SMCO4: variants seen among roughly 807,000 people sequenced by gnomAD.
SMCO4 encodes the protein single-pass membrane protein with coiled-coil domains 4.
A neutral mutation model predicts 3.6 loss-of-function variants in SMCO4; 4 were observed. That is an observed-to-expected ratio of 1.11 (90% CI 0.54 to 2.53). SMCO4 has a LOEUF of 2.53. Among genes scored for constraint, SMCO4 ranks in the 30% most tolerant of loss-of-function variants. SMCO4 has a pLI of 0.02. For missense variants in SMCO4, 70 were observed against 80.8 expected (o/e 0.87, Z 0.51); for synonymous variants, 36 against 35.3 (o/e 1.02, Z -0.07).
chr11:93,553,282 T>C, the SMCO4 span, among the ~76,000 whole-genome samples: 1 of 152,162 alleles, frequency 6.6e-6, no homozygotes, highest in Non-Finnish European at 1.5e-5. Context: ...TGCTGATGAG[T>C]TTATTTTCCC....
At chr11:93,541,705 T>C (rs921097703) in intron 1 of SMCO4, among the ~76,000 whole-genome samples, 3 of 152,230 alleles carry the variant, frequency 2.0e-5, no homozygotes, top group African/African-American at 7.2e-5. Context: ...AGAACAGTAT[T>C]CATGTTGTAA....
In SMCO4 at chr11:93,479,218, T is replaced by G; in HGVS notation, c.-29A>C. On this transcript the variant is annotated 5_prime_UTR_variant, in exon 3 of 3. Transcript: ENST00000298966. Reference sequence around the variant, plus strand: ...TCCTAGAGGATGCTAGGAGGGTGTGTCCAGAGGGATTCCAGGAAGGGCCAC... The same window carrying G: ...TCCTAGAGGATGCTAGGAGGGTGTGGCCAGAGGGATTCCAGGAAGGGCCAC... The G allele has an allele frequency of 6.2e-7, 1 of 1,600,636 alleles. No homozygotes were observed. The highest frequency in any genetic ancestry group is 8.5e-7 in the Non-Finnish European group (1 of 1,171,308).
intron 1 of SMCO4, among the ~76,000 whole-genome samples, chr11:93,513,359 A>C (rs1948976366): frequency 6.6e-6 from 1 of 152,272 alleles, no homozygotes; most frequent in Non-Finnish European, 1.5e-5. Context: ...TCAAACTTAA[A>C]CTACATGTAA....
intron 1 of SMCO4, among the ~76,000 whole-genome samples, chr11:93,503,046 A>G (rs1170620974): frequency 6.6e-6 from 1 of 152,156 alleles, no homozygotes; most frequent in Non-Finnish European, 1.5e-5. Flanking sequence ...TCAAGATTAG[A>G]TCCCACAGAG....
intron 1 of SMCO4, among the ~76,000 whole-genome samples, chr11:93,531,791 A>G (rs1301603260): frequency 6.6e-6 from 1 of 152,236 alleles, no homozygotes; most frequent in Non-Finnish European, 1.5e-5. Context: ...CAAGCTGGGA[A>G]CTGCTTAGGC....
intron 1 of SMCO4, among the ~76,000 whole-genome samples, chr11:93,541,100 A>C (rs1439287773): frequency 5.3e-5 from 8 of 152,178 alleles, no homozygotes; most frequent in Non-Finnish European, 7.3e-5. Context: ...CACACACAAA[A>C]AAAATTCCTC....
chr11:93,546,090 G>A (rs902330657), upstream of SMCO4, among the ~76,000 whole-genome samples: 1 of 152,182 alleles, frequency 6.6e-6, no homozygotes, highest in Non-Finnish European at 1.5e-5. Flanking sequence ...AAGTGTTAGG[G>A]TGGTTTGTTA....
chr11:93,486,595 C>A (rs1027307037), intron 2 of SMCO4, among the ~76,000 whole-genome samples: 3 of 152,150 alleles, frequency 2.0e-5, no homozygotes, highest in Non-Finnish European at 4.4e-5. Flanking sequence ...TCAGTGTGGG[C>A]CAGGCTGCTC....
At chr11:93,546,064 G>T (rs1001690990), upstream of SMCO4, among the ~76,000 whole-genome samples, 1 of 152,202 alleles carries the variant, frequency 6.6e-6, no homozygotes, top group Non-Finnish European at 1.5e-5. Flanking sequence ...TAAAATGGTG[G>T]TTGTTTCAAA....
chr11:93,514,063 C>T (rs1344206935), intron 1 of SMCO4, among the ~76,000 whole-genome samples: 1 of 152,040 alleles, frequency 6.6e-6, no homozygotes, highest in African/African-American at 2.4e-5. Context: ...CTGCATGCTG[C>T]CTGTCGTAGG....
intron 1 of SMCO4, among the ~76,000 whole-genome samples, chr11:93,529,553 C>T (rs932327144): frequency 1.3e-5 from 2 of 152,124 alleles, no homozygotes; most frequent in South Asian, 2.1e-4. Flanking sequence ...AAATCAGGCC[C>T]CCGCACAGCC....
At chr11:93,504,373 G>C (rs1049117238) in intron 1 of SMCO4, among the ~76,000 whole-genome samples, 9 of 152,334 alleles carry the variant, frequency 5.9e-5, no homozygotes, top group African/African-American at 1.9e-4. Flanking sequence ...GAAGTTTCAG[G>C]CTTCTTTGAA....
intron 1 of SMCO4, among the ~76,000 whole-genome samples, chr11:93,508,637 T>C (rs1012672449): frequency 1.3e-5 from 2 of 152,224 alleles, no homozygotes; most frequent in South Asian, 2.1e-4. Flanking sequence ...AGAATCAAGA[T>C]GCATTTCAGG....
chr11:93,553,238 C>A, the SMCO4 span, among the ~76,000 whole-genome samples: 1 of 152,154 alleles, frequency 6.6e-6, no homozygotes, highest in African/African-American at 2.4e-5. Context: ...GGGTGGGTGT[C>A]AGGGTTCAAC....
intron 1 of SMCO4, among the ~76,000 whole-genome samples, chr11:93,537,163 C>G (rs1949233848): frequency 6.6e-6 from 1 of 152,236 alleles, no homozygotes; most frequent in Admixed American, 6.5e-5. Context: ...CAGAGGGAGG[C>G]CTCCACTGTC....
Position 93,543,366 on chromosome 11 carries a change from C to T in SMCO4, c.-244G>A, listed in dbSNP as rs572159502. On this transcript the variant is annotated 5_prime_UTR_variant, in exon 1 of 3. Coordinates refer to ENST00000298966, the MANE Select transcript of SMCO4 (RefSeq NM_020179.3). ...GCTTGCGCTCCCCGCCTCGCCTCTC[C>T]TCTCGGCGCCCGCGCGGGCGACTCT... The T allele has an allele frequency of 1.3e-5, 2 of 152,396 alleles. No homozygotes were observed. Among genetic ancestry groups the T allele is most frequent in the Middle Eastern group, 3.4e-3 (1 of 292 alleles). The allele number at this position is 152,396 out of a possible 1,614,324, so 9.4% of individuals were successfully genotyped here.
In SMCO4 at chr11:93,478,725, A is replaced by G. The variant is rs1948549343; in HGVS notation, c.*285T>C. 9.4e-6 allele frequency: 4 copies of G among 425,624 alleles called. No individual in the cohort carries two copies. Among genetic ancestry groups the G allele is most frequent in the Admixed American group, 1.1e-4 (2 of 18,768 alleles). 26.4% of individuals were successfully genotyped at this position (425,624 alleles called of 1,614,324 possible). On this transcript the variant is annotated 3_prime_UTR_variant, in exon 3 of 3. Coordinates refer to ENST00000298966, the MANE Select transcript of SMCO4 (RefSeq NM_020179.3). ...GAGAGAAAAAGAAGCACACACACAC[A>G]CACACACACACACACACACACACAC...
rs570930119 is a variant in SMCO4 at position 93,507,685 on chromosome 11, A to T, written c.-153-8337T>A. On this transcript the variant is annotated intron_variant, in intron 1 of 2. Transcript: ENST00000298966. ...AGTTCATTGATTGGTTTCAGAGTCT[A>T]TGTTGCAACAAACCTTTACACCTGG... Among the ~76,000 whole-genome samples, 442 of 152,338 alleles carry T rather than the reference A, an allele frequency of 2.9e-3. 1 individual carries two copies. Among genetic ancestry groups the T allele is most frequent in the African/African-American group, 0.01 (425 of 41,582 alleles).
intron 1 of SMCO4, among the ~76,000 whole-genome samples, chr11:93,514,413 T>C (rs78967696): frequency 0.033 from 1,135 of 33,920 alleles, 97 homozygotes; most frequent in East Asian, 0.047. Flanking sequence ...TATATATATA[T>C]ATATATATAA....
Sources: gnomAD v4.1 joint callset for allele counts (sites outside exome capture counted in the v4.1 genomes callset) on GRCh38, gnomAD v4.1.1 for gene constraint, MANE v1.5 for transcripts, NCBI Gene and HGNC (gene_info 2026-07-23, HGNC 2026-07-21) for gene names.